Variants in PARP14 observed in about 807,000 individuals in gnomAD.
PARP14 encodes poly(ADP-ribose) polymerase family member 14, also known as protein mono-ADP-ribosyltransferase PARP14.
A neutral mutation model predicts 154.2 loss-of-function variants in PARP14; 59 were observed. The observed-to-expected ratio is 0.38, with a 90% CI of 0.31 to 0.48. PARP14 has a LOEUF of 0.48. Among genes scored for constraint, PARP14 ranks in the 20% least tolerant of loss-of-function variants. The probability of loss-of-function intolerance (pLI) is 0.98; values close to 1 mark genes in which losing one functional copy is unlikely to be tolerated. For synonymous variants in PARP14, 720 were observed against 780.5 expected (o/e 0.92, Z 1.29); for missense variants, 1,734 against 2,131.6 (o/e 0.81, Z 3.67).
At chr3:122,697,063 C>T (rs1256758365) in intron 5 of PARP14, among the ~76,000 whole-genome samples, 1 of 152,110 alleles carries the variant, frequency 6.6e-6, no homozygotes, top group Admixed American at 6.6e-5. Context: ...GGTGATCCTT[C>T]CACCTCAGCC....
At chr3:122,712,411 T>C (rs1331178608) in intron 9 of PARP14, among the ~76,000 whole-genome samples, 3 of 151,844 alleles carry the variant, frequency 2.0e-5, no homozygotes, top group South Asian at 2.1e-4. Flanking sequence ...CCCAGCTAAG[T>C]TTTGTATTTT....
rs779474286 is a variant in PARP14 at position 122,700,696 on chromosome 3, C to G, written c.2142C>G (p.Gly714=). 6.2e-7 allele frequency: 1 copy of G among 1,611,238 alleles called. No individual in the cohort carries two copies. Among genetic ancestry groups the G allele is most frequent in the Non-Finnish European group, 8.5e-7 (1 of 1,178,626 alleles). ...VSFNPENKQK[G]ILLTGSKTEV... Reference sequence around the variant, plus strand: ...TCAATCCTGAGAACAAACAAAAAGGCATTTTACTAACTGGCTCAAAGACCG... The same window carrying G: ...TCAATCCTGAGAACAAACAAAAAGGGATTTTACTAACTGGCTCAAAGACCG... The change falls in exon 6 of 17, where the codon GGC becomes GGG. Residue 714 remains glycine (G), a synonymous_variant. Transcript: ENST00000474629.
intron 3 of PARP14, among the ~76,000 whole-genome samples, chr3:122,691,055 G>T (rs1938525260): frequency 6.6e-6 from 1 of 152,166 alleles, no homozygotes; most frequent in Admixed American, 6.5e-5. Context: ...TCCATTAACT[G>T]CAGGGACACT....
At chr3:122,714,547 A>G in intron 12 of PARP14, 118 bp downstream of exon 12, 1 of 632,658 alleles carries the variant, frequency 1.6e-6, no homozygotes, top group South Asian at 2.9e-5. Context: ...CCATTAAGCT[A>G]GGAGTGGACA....
At chr3:122,726,997 G>GA (rs71136587) in intron 15 of PARP14, among the ~76,000 whole-genome samples, 28,971 of 132,852 alleles carry the variant, frequency 0.22, 2,992 homozygotes, top group Middle Eastern at 0.26. Context: ...CCCAAAACTG[G>GA]AAAAAAAAAA....
intron 8 of PARP14, among the ~76,000 whole-genome samples, chr3:122,706,860 A>G (rs1017871221): frequency 1.3e-5 from 2 of 152,182 alleles, no homozygotes; most frequent in East Asian, 3.8e-4. Context: ...TAACACTAGA[A>G]TACATACACC....
rs145338895 is a variant in PARP14, at chr3:122,713,277, G to A, written c.3620-147G>A. On this transcript the variant is annotated intron_variant, in intron 9 of 16. Coordinates refer to ENST00000474629, the MANE Select transcript of PARP14 (RefSeq NM_017554.3). Reference sequence around the variant, plus strand: ...TTTTCTTAAACAGATCATCACTGAGGCTGAGGAGCAGGGCCAGGTTAAAGA... The same window carrying A: ...TTTTCTTAAACAGATCATCACTGAGACTGAGGAGCAGGGCCAGGTTAAAGA... 1.4e-3 allele frequency: 794 copies of A among 582,976 alleles called. 6 individuals carry two copies. The African/African-American group carries it at 0.014, about 10-fold the overall frequency. 36.1% of individuals were successfully genotyped at this position (582,976 alleles called of 1,614,324 possible).
At chr3:122,712,754 T>C (rs559039730) in intron 9 of PARP14, among the ~76,000 whole-genome samples, 1 of 152,030 alleles carries the variant, frequency 6.6e-6, no homozygotes, top group Non-Finnish European at 1.5e-5. Context: ...GGTTTCACCA[T>C]GTTGTTCAGG....
intron 9 of PARP14, among the ~76,000 whole-genome samples, chr3:122,712,538 A>ATG (rs1939356822): frequency 7.0e-6 from 1 of 143,168 alleles, no homozygotes; most frequent in South Asian, 2.3e-4. Context: ...ATGAGCCACC[A>ATG]TGCCTGGCCA....
rs1406476791 is a variant in PARP14 at position 122,728,460 on chromosome 3, G to T, written c.5269G>T (p.Val1757Leu). 1.9e-6 allele frequency: 3 copies of T among 1,613,776 alleles called. No homozygotes were observed. Among genetic ancestry groups the T allele is most frequent in the Middle Eastern group, 3.3e-4 (2 of 6,084 alleles). The change falls in exon 17 of 17, where the codon GTG becomes TTG. Residue 1757 changes from valine (V) to leucine (L), a missense_variant. Physicochemically the swap from Val to Leu is conservative, Grantham distance 32 (BLOSUM62 1). Coordinates refer to ENST00000474629, the MANE Select transcript of PARP14 (RefSeq NM_017554.3). ...TACACATGGAAATCATTCATTAATT[G>T]TGCCTCCTTCAAAGAACCCTCAAAA... Reference protein sequence around the residue: ...IYTHGNHSLIVPPSKNPQNPT... With the variant: ...IYTHGNHSLILPPSKNPQNPT...
At chr3:122,686,901 T>C (rs549146569) in intron 2 of PARP14, 179 bp from the exon 3 acceptor site, 8 of 522,894 alleles carry the variant, frequency 1.5e-5, no homozygotes, top group Admixed American at 1.1e-4. Flanking sequence ...GTGATTTTTG[T>C]GACTTGCAAG....
rs1933347234 is a variant in PARP14, at chr3:122,728,649, G to A, written c.*52G>A. On this transcript the variant is annotated 3_prime_UTR_variant, in exon 17 of 17. Coordinates refer to ENST00000474629, the MANE Select transcript of PARP14 (RefSeq NM_017554.3). ...ATTCTCCATTTGTACATATCTAGTT[G>A]TAAAACAAGTTTTAGCTTTTTTTTT... is the stretch of plus-strand genomic sequence containing the variant. 7.1e-7 allele frequency: 1 copy of A among 1,405,130 alleles called. No individual in the cohort carries two copies. The highest frequency in any genetic ancestry group is 1.4e-5 in the African/African-American group (1 of 69,302). The allele number at this position is 1,405,130 out of a possible 1,614,324, so 87.0% of individuals were successfully genotyped here. A position where few individuals can be genotyped will look rare whatever the true frequency, so the allele number is the denominator to read the frequency against.
At chr3:122,705,708 G>A (rs1180080170) in intron 8 of PARP14, among the ~76,000 whole-genome samples, 2 of 152,220 alleles carry the variant, frequency 1.3e-5, no homozygotes, top group African/African-American at 4.8e-5. Flanking sequence ...CAACCCAAGA[G>A]ATACCTGTGG....
At chr3:122,721,805 A>G (rs879290876) in intron 15 of PARP14, 1 of 152,252 alleles carries the variant, frequency 6.6e-6, no homozygotes, top group Non-Finnish European at 1.5e-5. Context: ...TGAACTGCCA[A>G]CACTGTTTAT....
chr3:122,718,232 G>A lies in PARP14; in HGVS notation c.4162G>A (p.Gly1388Arg), dbSNP rs908506977. 2 of 1,613,608 alleles carry A rather than the reference G, an allele frequency of 1.2e-6. No homozygotes were observed. The highest frequency in any genetic ancestry group is 1.7e-6 in the Non-Finnish European group (2 of 1,179,712). The part of the protein sequence containing the change: ...VFYANMKKRE[G>R]TQLSSQQSVM... ...TTATGCCAACATGAAGAAAAGAGAA[G>A]GGACTCAGCTTTCTTCCCAACAGTC... Residue 1388 changes from glycine to arginine, a missense_variant, in exon 13 of 17, where the codon GGG (glycine) becomes AGG (arginine). Physicochemically the swap from Gly to Arg is moderately radical, Grantham distance 125. This residue lies in a region of PARP14 where 1,646 missense variants were observed against 1,976.0 expected (regional missense o/e 0.83). Coordinates refer to ENST00000474629, the MANE Select transcript of PARP14 (RefSeq NM_017554.3).
At chr3:122,684,010 G>C (rs566584094) in intron 1 of PARP14, among the ~76,000 whole-genome samples, 1 of 152,198 alleles carries the variant, frequency 6.6e-6, no homozygotes, top group Non-Finnish European at 1.5e-5. Context: ...TAAAGAGTGA[G>C]ATTAGAAGCT....
intron 2 of PARP14, among the ~76,000 whole-genome samples, chr3:122,686,120 TAAAC>T (rs1938365971): frequency 6.6e-6 from 1 of 152,222 alleles, no homozygotes; most frequent in Non-Finnish European, 1.5e-5. Flanking sequence ...TTATATATAA[TAAAC>T]ACTCAGTAAA....
At chr3:122,712,136 C>T (rs1939336253) in intron 9 of PARP14, among the ~76,000 whole-genome samples, 2 of 152,130 alleles carry the variant, frequency 1.3e-5, no homozygotes, top group African/African-American at 4.8e-5. Context: ...ATTCATTCCA[C>T]ATCATTTCCA....
At chr3:122,682,665 G>A (rs139837463) in intron 1 of PARP14, among the ~76,000 whole-genome samples, 2 of 152,192 alleles carry the variant, frequency 1.3e-5, no homozygotes, top group East Asian at 3.9e-4. Context: ...TCCTTGACCG[G>A]CCCCAGCCCA....
Sources: allele counts gnomAD v4.1 joint callset (sites outside exome capture counted in the v4.1 genomes callset), GRCh38; gene constraint gnomAD v4.1.1; regional missense constraint gnomAD v4.1.1; transcripts MANE v1.5; gene names NCBI Gene and HGNC (gene_info 2026-07-23, HGNC 2026-07-21).